SEL1L3: variants seen among roughly 807,000 people sequenced by gnomAD.
SEL1L3 encodes protein sel-1 homolog 3.
In SEL1L3, 76 loss-of-function variants were observed where a neutral mutation model predicts 142.8. The ratio of observed to expected loss-of-function variants is 0.53; its 90% CI spans 0.44 to 0.64. The LOEUF (loss-of-function observed/expected upper bound fraction) is 0.64, where lower values mean the gene tolerates loss of function less well. Among genes scored for constraint, SEL1L3 ranks in the 30% least tolerant of loss-of-function variants. The probability of loss-of-function intolerance (pLI) is 0.00; values close to 1 mark genes in which losing one functional copy is unlikely to be tolerated. For missense variants in SEL1L3, 1,262 were observed against 1,381.7 expected (o/e 0.91, Z 1.37); for synonymous variants, 504 against 519.6 (o/e 0.97, Z 0.41).
chr4:25,783,531 A>T (rs1711568199), intron 14 of SEL1L3, among the ~76,000 whole-genome samples: 1 of 151,280 alleles, frequency 6.6e-6, no homozygotes, highest in Non-Finnish European at 1.5e-5. Context: ...GATTTACGGT[A>T]GTTTCTGCAA....
At chr4:25,738,709 T>G in the SEL1L3 span, among the ~76,000 whole-genome samples, 11 of 152,192 alleles carry the variant, frequency 7.2e-5, no homozygotes, top group Non-Finnish European at 1.3e-4. Context: ...ATCATTGTCT[T>G]CAGTTCATGG....
intron 9 of SEL1L3, among the ~76,000 whole-genome samples, chr4:25,810,684 G>T (rs955765103): frequency 1.3e-5 from 2 of 152,102 alleles, no homozygotes; most frequent in Admixed American, 1.3e-4. Flanking sequence ...CCCTCTTCCG[G>T]AGTCCTGAAC....
At chr4:25,846,660 G>A (rs1194318026) in intron 2 of SEL1L3, among the ~76,000 whole-genome samples, 1 of 152,102 alleles carries the variant, frequency 6.6e-6, no homozygotes, top group African/African-American at 2.4e-5. Context: ...TGTAATCCCA[G>A]CATTTTGGGA....
chr4:25,826,420 A>C (rs1715099047), intron 6 of SEL1L3, among the ~76,000 whole-genome samples: 1 of 152,118 alleles, frequency 6.6e-6, no homozygotes, highest in Non-Finnish European at 1.5e-5. Context: ...AACACCTATA[A>C]CCAGTAAACT....
chr4:25,831,782 G>T (rs1205339721), intron 5 of SEL1L3, among the ~76,000 whole-genome samples: 1 of 152,078 alleles, frequency 6.6e-6, no homozygotes, highest in East Asian at 1.9e-4. Context: ...GCCTCCCAAA[G>T]TGCTGGGATT....
chr4:25,843,829 G>A (rs547270247), intron 2 of SEL1L3, among the ~76,000 whole-genome samples: 92 of 152,358 alleles, frequency 6.0e-4, no homozygotes, highest in African/African-American at 2.0e-3. Flanking sequence ...TGGCCTGGCC[G>A]GGTCTGGCCT....
At position 25,847,536 on chromosome 4, in the gene SEL1L3, T is replaced by C; in HGVS notation, c.491A>G (p.His164Arg). Residue 164 changes from histidine (H) to arginine (R), a missense_variant, in exon 2 of 24, where the codon CAT (histidine) becomes CGT (arginine). By Grantham distance (29) the His-to-Arg change is conservative. Coordinates refer to ENST00000399878, the MANE Select transcript of SEL1L3 (RefSeq NM_015187.5). ...MVYRDDYFIR[H>R]SISVSAVIVR... ...TATCACTGCAGATACAGAGATGGAATGTCTGATGAAATAATCATCTCTGTA... is the reference window on the plus strand; with the variant it reads ...TATCACTGCAGATACAGAGATGGAACGTCTGATGAAATAATCATCTCTGTA... The C allele has an allele frequency of 6.2e-7, 1 of 1,613,840 alleles. No homozygotes were observed. Among genetic ancestry groups the C allele is most frequent in the Non-Finnish European group, 8.5e-7 (1 of 1,179,688 alleles).
chr4:25,756,321 A>G, intron 23 of SEL1L3: 1 of 985,352 alleles, frequency 1.0e-6, no homozygotes, highest in Non-Finnish European at 1.2e-6. Context: ...TGCATGAGTT[A>G]TCACAAATGA....
the SEL1L3 span, among the ~76,000 whole-genome samples, chr4:25,724,156 C>A: frequency 6.6e-6 from 1 of 152,166 alleles, no homozygotes; most frequent in Non-Finnish European, 1.5e-5. Flanking sequence ...CGGTGGCTCA[C>A]ACCTGTAATC....
intron 6 of SEL1L3, among the ~76,000 whole-genome samples, chr4:25,822,655 T>TAGG (rs1425330618): frequency 6.6e-6 from 1 of 152,046 alleles, no homozygotes; most frequent in African/African-American, 2.4e-5. Flanking sequence ...AAAATTCAGT[T>TAGG]AGGAGGAGGA....
chr4:25,799,138 G>T (rs541623662), intron 11 of SEL1L3, among the ~76,000 whole-genome samples: 1 of 152,062 alleles, frequency 6.6e-6, no homozygotes, highest in South Asian at 2.1e-4. Context: ...GCAGTGGCAT[G>T]ATCTCAGCTC....
chr4:25,762,763 A>G (rs1271887849), intron 20 of SEL1L3, among the ~76,000 whole-genome samples: 1 of 152,078 alleles, frequency 6.6e-6, no homozygotes, highest in African/African-American at 2.4e-5. Flanking sequence ...GCGGATCACG[A>G]GGTCAAGAGA....
chr4:25,748,100 G>A lies in SEL1L3; in HGVS notation c.*325C>T, dbSNP rs1226627885. 1.9e-5 allele frequency: 5 copies of A among 257,988 alleles called. No individual in the cohort carries two copies. The highest frequency in any genetic ancestry group is 3.7e-5 in the Non-Finnish European group (5 of 134,420). The allele number at this position is 257,988 out of a possible 1,614,324, so 16.0% of individuals were successfully genotyped here. A position where few individuals can be genotyped will look rare whatever the true frequency, so the allele number is the denominator to read the frequency against. ...TCTTAAGACACATCTTAGTGTATAA[G>A]AATCCAGATCTGCCGTAGGGCATGC... On this transcript the variant is annotated 3_prime_UTR_variant, in exon 24 of 24. Coordinates refer to ENST00000399878, the MANE Select transcript of SEL1L3 (RefSeq NM_015187.5).
chr4:25,780,835 TA>T (rs1342749712), intron 15 of SEL1L3, among the ~76,000 whole-genome samples: 24 of 147,576 alleles, frequency 1.6e-4, no homozygotes, highest in African/African-American at 5.7e-4. Flanking sequence ...TATATATATA[TA>T]TATTTTTGAG....
chr4:25,715,052 A>G, the SEL1L3 span, among the ~76,000 whole-genome samples: 1 of 152,192 alleles, frequency 6.6e-6, no homozygotes, highest in African/African-American at 2.4e-5. Flanking sequence ...GCTAATTTCA[A>G]CAAGAAAGAA....
chr4:25,730,627 G>A, the SEL1L3 span, among the ~76,000 whole-genome samples: 26 of 152,014 alleles, frequency 1.7e-4, no homozygotes, highest in Admixed American at 1.7e-3. Flanking sequence ...TAACATCTGC[G>A]CTCAATAAAC....
chr4:25,848,453 C>T (rs1414329343), intron 1 of SEL1L3, among the ~76,000 whole-genome samples: 1 of 152,196 alleles, frequency 6.6e-6, no homozygotes, highest in African/African-American at 2.4e-5. Flanking sequence ...TAAGCTCAGA[C>T]GATGGGCTGT....
chr4:25,816,131 CATAAT>C (rs200615012), intron 9 of SEL1L3, among the ~76,000 whole-genome samples: 3,634 of 145,848 alleles, frequency 0.025, 127 homozygotes, highest in African/African-American at 0.086. Flanking sequence ...TGATATATTA[CATAAT>C]ATAATATACA....
the SEL1L3 span, among the ~76,000 whole-genome samples, chr4:25,721,329 T>C: frequency 6.6e-6 from 1 of 152,100 alleles, no homozygotes; most frequent in Non-Finnish European, 1.5e-5. Flanking sequence ...AGAAATCCTC[T>C]GAAATAATGA....
Sources: gnomAD v4.1 joint callset for allele counts (sites outside exome capture counted in the v4.1 genomes callset) on GRCh38, gnomAD v4.1.1 for gene constraint, MANE v1.5 for transcripts, NCBI Gene and HGNC (gene_info 2026-07-23, HGNC 2026-07-21) for gene names.